The following OSBP2 variants were observed in gnomAD, a reference collection of about 807,000 sequenced individuals.
The protein encoded by OSBP2 is oxysterol-binding protein 2.
A neutral mutation model predicts 96.0 loss-of-function variants in OSBP2; 66 were observed. The ratio of observed to expected loss-of-function variants is 0.69; its 90% CI spans 0.56 to 0.84. The LOEUF (loss-of-function observed/expected upper bound fraction) is 0.84. OSBP2 is among the 40% of genes least tolerant of loss of function. The pLI is 0.00. For missense variants in OSBP2, 1,038 were observed against 1,222.7 expected, an observed-to-expected ratio of 0.85 and a Z score of 2.25; for synonymous variants, 525 against 520.9, an observed-to-expected ratio of 1.01 and a Z score of -0.11.
rs2039436015 is a variant in OSBP2 at position 30,870,504 on chromosome 22, C to A, written c.929C>A (p.Ser310Tyr). 5.0e-6 allele frequency: 8 copies of A among 1,614,116 alleles called. No individual in the cohort carries two copies. The highest frequency in any genetic ancestry group is 6.8e-6 in the Non-Finnish European group (8 of 1,180,032). ...SELHHTLKNL[S>Y]LKLDDLSTCN... Reference sequence around the variant, plus strand: ...CTGCACCACACCCTGAAGAATCTTTCCCTGAAGTTAGATGACCTCAGCACG... The same window carrying A: ...CTGCACCACACCCTGAAGAATCTTTACCTGAAGTTAGATGACCTCAGCACG... Residue 310 changes from serine to tyrosine, a missense_variant, in exon 3 of 14, where the codon TCC becomes TAC. Ser to Tyr is a moderately radical substitution (Grantham distance 144, BLOSUM62 -2). This residue lies in a region of OSBP2 where 737 missense variants were observed against 913.3 expected (regional missense o/e 0.81). Coordinates refer to ENST00000332585, the MANE Select transcript of OSBP2 (RefSeq NM_030758.4). This position sits in a 1 kb window ranked among gnomAD's most constrained non-coding sequence, Gnocchi z 4.1.
At chr22:30,699,096 C>T (rs1377504041) in intron 1 of OSBP2, among the ~76,000 whole-genome samples, 2 of 151,930 alleles carry the variant, frequency 1.3e-5, no homozygotes, top group Admixed American at 6.6e-5. Context: ...CGTGTGCTAC[C>T]GTGCCCAGCT....
In OSBP2 at chr22:30,893,633, G is replaced by T. The variant is rs763757572; in HGVS notation, c.2095-5G>T. ...TGGCCGCTGACCACTGCCCTCCTTC[G>T]CCAGTCAGGGGACATCGAGATTGTG... On this transcript the variant is annotated splice_polypyrimidine_tract_variant and splice_region_variant and intron_variant, in intron 10 of 13. Coordinates refer to ENST00000332585, the MANE Select transcript of OSBP2 (RefSeq NM_030758.4). 9.9e-6 allele frequency: 16 copies of T among 1,613,964 alleles called. No homozygotes were observed. Among genetic ancestry groups the T allele is most frequent in the Non-Finnish European group, 1.4e-5 (16 of 1,179,942 alleles).
intron 5 of OSBP2, among the ~76,000 whole-genome samples, 171 bp from the exon 6 acceptor site, chr22:30,889,006 T>C (rs555256324): frequency 1.3e-5 from 2 of 152,282 alleles, no homozygotes; most frequent in South Asian, 4.1e-4. Flanking sequence ...TCATATACAC[T>C]ATCCACCCTT....
intron 2 of OSBP2, among the ~76,000 whole-genome samples, chr22:30,831,920 A>G (rs2038530991): frequency 6.6e-6 from 1 of 152,144 alleles, no homozygotes; most frequent in Non-Finnish European, 1.5e-5. Context: ...TCCTTGGCCC[A>G]AAGTTAATTG....
chr22:30,841,034 G>A (rs542156816), intron 2 of OSBP2, among the ~76,000 whole-genome samples: 8 of 151,954 alleles, frequency 5.3e-5, no homozygotes, highest in South Asian at 4.2e-4. Flanking sequence ...GTGTGATGGC[G>A]GGCACCTGTA....
intron 3 of OSBP2, among the ~76,000 whole-genome samples, chr22:30,883,729 T>C (rs1001592290): frequency 6.6e-6 from 1 of 152,170 alleles, no homozygotes; most frequent in African/African-American, 2.4e-5. Flanking sequence ...ACCCAACTCA[T>C]GGGGCTTCTG....
chr22:30,817,470 G>T (rs1366979390), intron 2 of OSBP2, among the ~76,000 whole-genome samples: 8 of 152,210 alleles, frequency 5.3e-5, no homozygotes, highest in Non-Finnish European at 1.0e-4. Flanking sequence ...GCTCCCATGG[G>T]ACTCCCAAGC....
chr22:30,866,799 G>A (rs1226852829), intron 2 of OSBP2, among the ~76,000 whole-genome samples: 1 of 152,166 alleles, frequency 6.6e-6, no homozygotes, highest in Admixed American at 6.5e-5. Context: ...TCCTGGGGCT[G>A]CCATAATAAA....
At chr22:30,740,498 G>A (rs1248535889) in intron 1 of OSBP2, among the ~76,000 whole-genome samples, 1 of 152,174 alleles carries the variant, frequency 6.6e-6, no homozygotes, top group Non-Finnish European at 1.5e-5. Context: ...TTCGGGAAAG[G>A]GCTGTTCCCA....
At chr22:30,773,438 AC>A (rs1351503121) in intron 2 of OSBP2, among the ~76,000 whole-genome samples, 1 of 151,846 alleles carries the variant, frequency 6.6e-6, no homozygotes, top group Admixed American at 6.6e-5. Flanking sequence ...CCTTCATAGC[AC>A]CCACCCTAGT....
chr22:30,758,201 A>G (rs954530098), intron 2 of OSBP2, among the ~76,000 whole-genome samples: 5 of 152,126 alleles, frequency 3.3e-5, no homozygotes, highest in African/African-American at 1.2e-4. Flanking sequence ...CAGGAGTTCG[A>G]GACCGGCCTG....
chr22:30,867,505 C>T (rs2147102057), intron 2 of OSBP2, among the ~76,000 whole-genome samples: 1 of 152,162 alleles, frequency 6.6e-6, no homozygotes, highest in East Asian at 1.9e-4. Context: ...CTTGTCCTAC[C>T]CTCCCTCATT....
intron 2 of OSBP2, among the ~76,000 whole-genome samples, chr22:30,862,430 A>G (rs1166246433): frequency 6.6e-6 from 1 of 152,238 alleles, no homozygotes; most frequent in Non-Finnish European, 1.5e-5. Flanking sequence ...CTGTAATCCT[A>G]GCACTTTGGG....
chr22:30,837,274 A>G (rs2038654687), intron 2 of OSBP2, among the ~76,000 whole-genome samples: 1 of 151,930 alleles, frequency 6.6e-6, no homozygotes, highest in African/African-American at 2.4e-5. Context: ...AAAAAAAAAA[A>G]AAAAGAAAGA....
At chr22:30,783,888 T>C (rs1479487137) in intron 2 of OSBP2, among the ~76,000 whole-genome samples, 1 of 152,218 alleles carries the variant, frequency 6.6e-6, no homozygotes, top group Non-Finnish European at 1.5e-5. Context: ...CAACTGGTGC[T>C]GAAGAGGAGA....
chr22:30,730,325 C>T (rs1250640030), intron 1 of OSBP2, among the ~76,000 whole-genome samples: 1 of 152,138 alleles, frequency 6.6e-6, no homozygotes, highest in Non-Finnish European at 1.5e-5. Context: ...TGCAGAAAAA[C>T]TGGTCAATTA....
At chr22:30,780,705 C>A (rs2090506763) in intron 2 of OSBP2, among the ~76,000 whole-genome samples, 1 of 152,076 alleles carries the variant, frequency 6.6e-6, no homozygotes, top group African/African-American at 2.4e-5. Context: ...GCCATGCTGG[C>A]CAGGCTGGTC....
Position 30,905,717 on chromosome 22 carries a change from G to T in OSBP2, c.2376-120G>T, listed in dbSNP as rs1053922033. On this transcript the variant is annotated intron_variant, in intron 12 of 13. Transcript: ENST00000332585. ...CCCAAGGCCAGAGGGAGTCCTGGAC[G>T]CGGGGAGCTGGAGGGTGAGGCGACC... 1.1e-5 allele frequency: 15 copies of T among 1,419,816 alleles called. No individual in the cohort carries two copies. In the African/African-American group the frequency reaches 2.1e-4, roughly 20 times the overall value. The allele number at this position is 1,419,816 out of a possible 1,614,324, so 88.0% of individuals were successfully genotyped here.
At chr22:30,860,566 C>CT (rs1483819302) in intron 2 of OSBP2, among the ~76,000 whole-genome samples, 1 of 152,230 alleles carries the variant, frequency 6.6e-6, no homozygotes, top group Non-Finnish European at 1.5e-5. Context: ...GGCATGGGGT[C>CT]TGTCCTTCAT....
Sources: allele counts gnomAD v4.1 joint callset (sites outside exome capture counted in the v4.1 genomes callset), GRCh38; gene constraint gnomAD v4.1.1; regional missense constraint gnomAD v4.1.1; non-coding constraint Gnocchi (gnomAD v3.1); transcripts MANE v1.5; gene names NCBI Gene and HGNC (gene_info 2026-07-23, HGNC 2026-07-21).